The following WWOX variants were observed in gnomAD, a reference collection of about 807,000 sequenced individuals.
WWOX encodes WW domain-containing oxidoreductase.
A neutral mutation model predicts 46.2 loss-of-function variants in WWOX; 69 were observed. The ratio of observed to expected loss-of-function variants is 1.49; its 90% CI spans 1.23 to 1.82. The LOEUF (loss-of-function observed/expected upper bound fraction) is 1.82, where lower values mean the gene tolerates loss of function less well. Among genes scored for constraint, WWOX ranks in the 40% most tolerant of loss-of-function variants. The probability of loss-of-function intolerance (pLI) is 0.00; values close to 1 mark genes in which losing one functional copy is unlikely to be tolerated. For missense variants in WWOX, 919 were observed against 542.6 expected (o/e 1.69, Z -6.89); for synonymous variants, 359 against 202.6 (o/e 1.77, Z -6.56).
intron 8 of WWOX, among the ~76,000 whole-genome samples, chr16:78,741,182 C>A (rs557476262): frequency 3.3e-5 from 5 of 152,156 alleles, no homozygotes; most frequent in Non-Finnish European, 7.4e-5. Flanking sequence ...GACCATTTAT[C>A]CCACAAAGCC....
chr16:78,360,962 A>G (rs2081397869), intron 5 of WWOX, among the ~76,000 whole-genome samples: 1 of 152,024 alleles, frequency 6.6e-6, no homozygotes, highest in Non-Finnish European at 1.5e-5. Context: ...CTGGGACTAT[A>G]CGCATGCACC....
At chr16:78,908,518 C>T (rs1387211927) in intron 8 of WWOX, among the ~76,000 whole-genome samples, 14 of 139,548 alleles carry the variant, frequency 1.0e-4, no homozygotes, top group Admixed American at 8.4e-4. Flanking sequence ...CCAGCCTGGG[C>T]GACAGACTGA....
At chr16:78,122,060 C>G (rs2033123443) in intron 4 of WWOX, among the ~76,000 whole-genome samples, 1 of 152,100 alleles carries the variant, frequency 6.6e-6, no homozygotes, top group African/African-American at 2.4e-5. Context: ...ATTTACATAA[C>G]TTTTATACAG....
At chr16:78,991,063 G>C (rs982166655) in intron 8 of WWOX, among the ~76,000 whole-genome samples, 1 of 152,210 alleles carries the variant, frequency 6.6e-6, no homozygotes, top group East Asian at 1.9e-4. Context: ...CTGGGGACAA[G>C]TCAAAGCATG....
At chr16:78,868,676 C>G (rs1051986377) in intron 8 of WWOX, among the ~76,000 whole-genome samples, 1 of 152,132 alleles carries the variant, frequency 6.6e-6, no homozygotes, top group Non-Finnish European at 1.5e-5. Flanking sequence ...TAGCAAGAGT[C>G]ACTCTGAGAT....
intron 5 of WWOX, among the ~76,000 whole-genome samples, chr16:78,211,556 C>T (rs550760998): frequency 1.4e-3 from 217 of 150,218 alleles, no homozygotes; most frequent in Middle Eastern, 6.8e-3. Context: ...GCTGTTGCTC[C>T]TGCTGCTGCT....
intron 8 of WWOX, among the ~76,000 whole-genome samples, chr16:78,949,581 G>T (rs1298051689): frequency 6.6e-6 from 1 of 152,180 alleles, no homozygotes; most frequent in Non-Finnish European, 1.5e-5. Context: ...TGTATGTCAT[G>T]CTGTACTACT....
At chr16:78,802,708 G>A (rs1055341440) in intron 8 of WWOX, among the ~76,000 whole-genome samples, 3 of 151,762 alleles carry the variant, frequency 2.0e-5, no homozygotes, top group Non-Finnish European at 4.4e-5. Flanking sequence ...TTGAGGTCAG[G>A]AGTTCAAGAT....
chr16:78,649,577 C>G (rs1040168542), intron 8 of WWOX, among the ~76,000 whole-genome samples: 1 of 152,206 alleles, frequency 6.6e-6, no homozygotes, highest in African/African-American at 2.4e-5. Context: ...TCCCCAGGCT[C>G]TTCCCCCGTT....
At chr16:78,405,533 T>A (rs913494440) in intron 6 of WWOX, among the ~76,000 whole-genome samples, 1 of 152,220 alleles carries the variant, frequency 6.6e-6, no homozygotes, top group African/African-American at 2.4e-5. Flanking sequence ...TCCTTGAATA[T>A]TTATTCAGGA....
At position 79,203,121 on chromosome 16, in the gene WWOX, G is replaced by A. The variant is rs181243066; in HGVS notation, c.1057-8487G>A. The stretch of plus-strand genomic sequence containing the variant: ...TCCTACTAACTAGCAACACGCTGCT[G>A]GTGAATGAAATATCTATTGTTTCTC... On this transcript the variant is annotated intron_variant, in intron 8 of 8. Coordinates refer to ENST00000566780, the MANE Select transcript of WWOX (RefSeq NM_016373.4). 2.7e-4 allele frequency: 41 copies of A among 152,266 alleles called. 1 individual carries two copies. The highest frequency in any genetic ancestry group is 9.4e-4 in the African/African-American group (39 of 41,550). 9.4% of individuals were successfully genotyped at this position (152,266 alleles called of 1,614,324 possible).
chr16:79,064,656 C>G (rs1332249371), intron 8 of WWOX, among the ~76,000 whole-genome samples: 2 of 152,180 alleles, frequency 1.3e-5, no homozygotes, highest in East Asian at 3.9e-4. Flanking sequence ...CCAACCTCTT[C>G]GTGTTCCTGC....
intron 8 of WWOX, among the ~76,000 whole-genome samples, chr16:78,959,503 C>T (rs115381553): frequency 1.3e-5 from 2 of 152,218 alleles, no homozygotes; most frequent in Non-Finnish European, 2.9e-5. Context: ...GTCCATCCAT[C>T]TATTCACTCA....
chr16:78,436,804 C>G (rs957154974), intron 8 of WWOX, among the ~76,000 whole-genome samples: 1 of 152,158 alleles, frequency 6.6e-6, no homozygotes, highest in Admixed American at 6.5e-5. Context: ...AAAAGTCACC[C>G]TCTTGGGCTA....
intron 8 of WWOX, among the ~76,000 whole-genome samples, chr16:78,725,338 T>TG (rs2048800535): frequency 8.6e-6 from 1 of 115,640 alleles, no homozygotes; most frequent in Non-Finnish European, 1.7e-5. Context: ...TCTTTTCTTT[T>TG]CTTTTCTTTT....
At chr16:78,522,701 C>T (rs551875427) in intron 8 of WWOX, among the ~76,000 whole-genome samples, 123 of 152,298 alleles carry the variant, frequency 8.1e-4, no homozygotes, top group Middle Eastern at 6.8e-3. Context: ...GGTAAAAAGT[C>T]GGGGCAAGGT....
intron 5 of WWOX, among the ~76,000 whole-genome samples, chr16:78,248,585 A>G (rs1306118646): frequency 6.6e-6 from 1 of 152,042 alleles, no homozygotes; most frequent in African/African-American, 2.4e-5. Context: ...AAATACAAAA[A>G]TGTAGCCAGG....
At chr16:78,940,376 G>T (rs978060213) in intron 8 of WWOX, among the ~76,000 whole-genome samples, 3 of 152,136 alleles carry the variant, frequency 2.0e-5, no homozygotes, top group East Asian at 3.9e-4. Flanking sequence ...TTTTTAATGG[G>T]GTTACTTCCC....
intron 8 of WWOX, among the ~76,000 whole-genome samples, chr16:78,879,947 T>G (rs541653985): frequency 4.4e-4 from 67 of 152,166 alleles, no homozygotes; most frequent in Non-Finnish European, 8.5e-4. Flanking sequence ...GGTATTATCC[T>G]TTAGTTTAAG....
Sources: allele counts gnomAD v4.1 joint callset (sites outside exome capture counted in the v4.1 genomes callset), GRCh38; gene constraint gnomAD v4.1.1; transcripts MANE v1.5; gene names NCBI Gene and HGNC (gene_info 2026-07-23, HGNC 2026-07-21).